Variants in TCEA3 observed in about 807,000 individuals in gnomAD.
The protein encoded by TCEA3 is transcription elongation factor A protein 3.
TCEA3 carries 36 observed loss-of-function variants against 44.0 expected under a neutral mutation model. The ratio of observed to expected loss-of-function variants is 0.82; its 90% CI spans 0.63 to 1.08. The LOEUF (loss-of-function observed/expected upper bound fraction) is 1.08, where lower values mean the gene tolerates loss of function less well. Among genes scored for constraint, TCEA3 ranks in the 50% least tolerant of loss-of-function variants. The pLI is 0.00. For missense variants in TCEA3, 392 were observed against 441.2 expected, an observed-to-expected ratio of 0.89 and a Z score of 1.00; for synonymous variants, 162 against 159.7, an observed-to-expected ratio of 1.01 and a Z score of -0.11.
At position 23,387,268 on chromosome 1, in the gene TCEA3, C is replaced by T. The variant is rs776256534; in HGVS notation, c.966+5G>A. The T allele has an allele frequency of 1.2e-5, 20 of 1,613,500 alleles. No individual in the cohort carries two copies. The South Asian group carries it at 1.8e-4, about 14-fold the overall frequency. On this transcript the variant is annotated splice_donor_5th_base_variant and intron_variant, in intron 9 of 10. Transcript: ENST00000450454. ...ACCTCCGGCCCGTCCCCTCACTGTC[C>T]TTACCTGGTTATAGGTGCAGTTCTT...
intron 4 of TCEA3, among the ~76,000 whole-genome samples, chr1:23,414,724 T>G (rs1639836669): frequency 6.6e-6 from 1 of 152,214 alleles, no homozygotes. Context: ...ATTTGTATTT[T>G]TAAAACTTTC....
intron 2 of TCEA3, chr1:23,418,315 A>G (rs1639954879): frequency 6.0e-6 from 2 of 335,824 alleles, no homozygotes; most frequent in Non-Finnish European, 1.1e-5. Context: ...CCAACCCTCT[A>G]GTGTCTATTT....
intron 4 of TCEA3, among the ~76,000 whole-genome samples, chr1:23,412,528 C>A (rs1346874930): frequency 1.3e-5 from 2 of 151,626 alleles, no homozygotes; most frequent in African/African-American, 4.8e-5. Context: ...CATGGAGAAA[C>A]CCCTTCTCTA....
intron 5 of TCEA3, among the ~76,000 whole-genome samples, chr1:23,401,252 A>G (rs1639386985): frequency 6.6e-6 from 1 of 152,216 alleles, no homozygotes; most frequent in Non-Finnish European, 1.5e-5. Context: ...GCCTCCATGC[A>G]TACCGGTGAG....
intron 10 of TCEA3, among the ~76,000 whole-genome samples, chr1:23,381,681 C>T (rs1485714902): frequency 6.6e-6 from 1 of 152,186 alleles, no homozygotes; most frequent in Non-Finnish European, 1.5e-5. Flanking sequence ...AGAATGATAT[C>T]AGGTAATAAA....
At chr1:23,418,227 G>A in intron 2 of TCEA3, 2 of 548,056 alleles carry the variant, frequency 3.6e-6, no homozygotes, top group African/African-American at 1.9e-5. Context: ...CTGACATGGA[G>A]GATATCTGTA....
intron 1 of TCEA3, 112 bp downstream of exon 1, chr1:23,424,453 G>A (rs1640158578): frequency 1.1e-6 from 1 of 950,822 alleles, no homozygotes; most frequent in Admixed American, 2.2e-5. Context: ...TCGGGTCCCC[G>A]AGTCCCGTAC....
intron 1 of TCEA3, chr1:23,423,958 C>T (rs961983655): frequency 4.7e-6 from 2 of 429,884 alleles, no homozygotes; most frequent in South Asian, 1.7e-5. Flanking sequence ...ACCTGTTCGG[C>T]CCCCGCCCGT....
At chr1:23,405,677 A>G (rs2148568831) in intron 5 of TCEA3, among the ~76,000 whole-genome samples, 1 of 152,316 alleles carries the variant, frequency 6.6e-6, no homozygotes, top group East Asian at 1.9e-4. Context: ...GAAATGGCAC[A>G]GCTTCTGGAA....
At chr1:23,409,801 G>C (rs371038610) in intron 4 of TCEA3, among the ~76,000 whole-genome samples, 35 of 152,096 alleles carry the variant, frequency 2.3e-4, no homozygotes, top group African/African-American at 8.4e-4. Context: ...TGCCCACCTC[G>C]GCCTCCCAAA....
chr1:23,417,681 C>T (rs1437154898), intron 3 of TCEA3, among the ~76,000 whole-genome samples: 10 of 152,212 alleles, frequency 6.6e-5, no homozygotes, highest in South Asian at 2.1e-4. Flanking sequence ...AGCACAAACA[C>T]GTAAGTGGCA....
intron 1 of TCEA3, 152 bp from the exon 2 acceptor site, chr1:23,419,291 C>A: frequency 1.8e-6 from 1 of 550,970 alleles, no homozygotes; most frequent in Non-Finnish European, 3.2e-6. Context: ...AGACGAGAAA[C>A]AATCTGTCCT....
chr1:23,397,621 T>C lies in TCEA3; in HGVS notation c.608-20A>G. ...AATCATCTAAAAGAGATTCGAGAAA[T>C]ACAGGTATCAGCCAGACACAACGTA... On this transcript the variant is annotated intron_variant, in intron 6 of 10. Transcript: ENST00000450454. The C allele has an allele frequency of 6.2e-7, 1 of 1,613,234 alleles. No individual in the cohort carries two copies. Among genetic ancestry groups the C allele is most frequent in the Non-Finnish European group, 8.5e-7 (1 of 1,179,436 alleles).
At position 23,417,334 on chromosome 1, in the gene TCEA3, T is replaced by C; in HGVS notation, c.295A>G (p.Lys99Glu). Residue 99 changes from lysine to glutamate, a missense_variant, in exon 4 of 11, where the codon AAG becomes GAG. Physicochemically the swap from Lys to Glu is moderately conservative, Grantham distance 56. Transcript: ENST00000450454. ...TCTGAACACTCAAGCCCTTTTTCCT[T>C]CTTCTTTGCCTTTTCTCTTTCCTCT... ...KGEEREKAKK[K>E]EKGLECSDWK... The C allele has an allele frequency of 2.5e-6, 4 of 1,614,022 alleles. No homozygotes were observed. Among genetic ancestry groups the C allele is most frequent in the Non-Finnish European group, 3.4e-6 (4 of 1,179,882 alleles).
intron 3 of TCEA3, 24 bp downstream of exon 3, chr1:23,417,880 C>G: frequency 6.2e-7 from 1 of 1,610,756 alleles, no homozygotes; most frequent in Non-Finnish European, 8.5e-7. Flanking sequence ...AAACAGGGCT[C>G]AAGACAACCT....
At position 23,399,494 on chromosome 1, in the gene TCEA3, T is replaced by C. The variant is rs192951639; in HGVS notation, c.444-1539A>G. 1.7e-3 allele frequency among the ~76,000 whole-genome samples: 266 copies of C among 152,192 alleles called. 2 individuals are homozygous for C. The highest frequency in any genetic ancestry group is 1.2e-3 in the Non-Finnish European group (84 of 67,984). On this transcript the variant is annotated intron_variant, in intron 5 of 10. Coordinates refer to ENST00000450454, the MANE Select transcript of TCEA3 (RefSeq NM_003196.3). ...CCCCAAATACAGTCACAATGGGGTT[T>C]GGGATTTCAACATATGAATTTTAGG...
chr1:23,419,392 C>T, intron 1 of TCEA3: 1 of 365,162 alleles, frequency 2.7e-6, no homozygotes, highest in Non-Finnish European at 4.9e-6. Context: ...TCTGCTGTGC[C>T]TCTCCCCAGG....
chr1:23,421,504 A>G (rs200986372), intron 1 of TCEA3, among the ~76,000 whole-genome samples: 1 of 20,680 alleles, frequency 4.8e-5, no homozygotes, highest in East Asian at 1.1e-3. Flanking sequence ...GTTCTCAAGG[A>G]AAAAAAAAAA....
intron 5 of TCEA3, 62 bp from the exon 6 acceptor site, chr1:23,398,017 C>T: frequency 6.3e-7 from 1 of 1,576,094 alleles, no homozygotes; most frequent in Non-Finnish European, 8.6e-7. Context: ...TATTGAGCAG[C>T]ATTCTAGATG....
Sources: allele counts gnomAD v4.1 joint callset (sites outside exome capture counted in the v4.1 genomes callset), GRCh38; gene constraint gnomAD v4.1.1; transcripts MANE v1.5; gene names NCBI Gene and HGNC (gene_info 2026-07-23, HGNC 2026-07-21).